Variants in RABGAP1L observed in about 807,000 individuals in gnomAD.
RABGAP1L encodes RAB GTPase activating protein 1 like.
Under a neutral mutation model 137.7 loss-of-function variants are expected in RABGAP1L, and 63 were observed. The ratio of observed to expected loss-of-function variants is 0.46; its 90% CI spans 0.37 to 0.56. RABGAP1L has a LOEUF of 0.56. Ranked by LOEUF, RABGAP1L falls within the 20% of genes least tolerant of loss-of-function variation. The probability of loss-of-function intolerance (pLI) is 0.00; values close to 1 mark genes in which losing one functional copy is unlikely to be tolerated. For synonymous variants in RABGAP1L, 431 were observed against 433.7 expected (o/e 0.99, Z 0.08); for missense variants, 1,095 against 1,244.0 (o/e 0.88, Z 1.80).
chr1:174,844,334 CT>C (rs1693820134), intron 19 of RABGAP1L, among the ~76,000 whole-genome samples: 1 of 123,236 alleles, frequency 8.1e-6, no homozygotes, highest in South Asian at 3.2e-4. Flanking sequence ...CCTAGGTTTT[CT>C]TCTAGGGTTT....
In RABGAP1L at chr1:174,368,333, C is replaced by T. The variant is rs118102946; in HGVS notation, c.1466-2646C>T. ...AGAATCCTGTTACAAATATGTCTTT[C>T]GAGTATGTGTTTCTGGAGAATAAAT... On this transcript the variant is annotated intron_variant, in intron 11 of 25. Transcript: ENST00000681986. Among the ~76,000 whole-genome samples the T allele has an allele frequency of 6.6e-4, 101 of 152,234 alleles. 3 individuals are homozygous for T. In the East Asian group the frequency reaches 0.016, roughly 24 times the overall value.
At chr1:174,732,999 G>GA (rs35633914) in intron 17 of RABGAP1L, among the ~76,000 whole-genome samples, 34 of 150,868 alleles carry the variant, frequency 2.3e-4, no homozygotes, top group South Asian at 6.3e-4. Flanking sequence ...ATTTAATTCT[G>GA]AAAAAAAAAC....
At chr1:174,292,079 C>T (rs901499743) in intron 10 of RABGAP1L, among the ~76,000 whole-genome samples, 4 of 145,220 alleles carry the variant, frequency 2.8e-5, no homozygotes, top group Admixed American at 6.8e-5. Context: ...GCTCTGTCAC[C>T]CAGGCTGGAG....
At chr1:174,730,628 A>G (rs1360756074) in intron 17 of RABGAP1L, among the ~76,000 whole-genome samples, 2 of 152,142 alleles carry the variant, frequency 1.3e-5, no homozygotes, top group Non-Finnish European at 2.9e-5. Flanking sequence ...TATGTTTAAA[A>G]CTGAATACCC....
At chr1:174,717,278 G>C (rs979717454) in intron 17 of RABGAP1L, among the ~76,000 whole-genome samples, 6 of 151,926 alleles carry the variant, frequency 3.9e-5, no homozygotes, top group Non-Finnish European at 7.4e-5. Flanking sequence ...AGGCATGCTG[G>C]GCACAACTGT....
At chr1:174,531,703 C>A (rs1664421973) in intron 13 of RABGAP1L, among the ~76,000 whole-genome samples, 1 of 134,874 alleles carries the variant, frequency 7.4e-6, no homozygotes, top group South Asian at 2.4e-4. Flanking sequence ...TCTGATTAGC[C>A]ACTGCACTAC....
At chr1:174,176,713 G>GGAA (rs1232596038) in intron 1 of RABGAP1L, among the ~76,000 whole-genome samples, 2 of 21,548 alleles carry the variant, frequency 9.3e-5, no homozygotes, top group Non-Finnish European at 8.8e-5. Flanking sequence ...CCCTTTTTCA[G>GGAA]AAAAAAAAAA....
chr1:174,204,335 A>G (rs565498685), intron 1 of RABGAP1L, among the ~76,000 whole-genome samples: 8 of 152,252 alleles, frequency 5.3e-5, no homozygotes, highest in African/African-American at 1.7e-4. Context: ...GGCTTTCTAG[A>G]TATAGAGTCG....
intron 13 of RABGAP1L, among the ~76,000 whole-genome samples, chr1:174,438,608 C>G (rs1653714947): frequency 6.6e-6 from 1 of 150,796 alleles, no homozygotes; most frequent in Admixed American, 6.6e-5. Flanking sequence ...ATCCCAGCTA[C>G]TTGGGAGGCT....
At chr1:174,777,142 A>T (rs779496249) in intron 18 of RABGAP1L, among the ~76,000 whole-genome samples, 1 of 152,246 alleles carries the variant, frequency 6.6e-6, no homozygotes, top group South Asian at 2.1e-4. Flanking sequence ...TTTTGGCAGT[A>T]AATCAATTCT....
At chr1:174,508,246 A>G (rs193040107) in intron 13 of RABGAP1L, among the ~76,000 whole-genome samples, 580 of 152,166 alleles carry the variant, frequency 3.8e-3, no homozygotes, top group Non-Finnish European at 6.0e-3. Context: ...TTATCGACTC[A>G]TTGTTATTTT....
At chr1:174,471,789 T>TGTTATG (rs1173806213) in intron 13 of RABGAP1L, among the ~76,000 whole-genome samples, 1 of 152,190 alleles carries the variant, frequency 6.6e-6, no homozygotes, top group African/African-American at 2.4e-5. Context: ...TGTTATGGAC[T>TGTTATG]GAATGCATGT....
rs536643711 is a variant in RABGAP1L, at chr1:174,404,069, G to A, written c.1710+9924G>A. The stretch of plus-strand genomic sequence containing the variant: ...GGGCTAGGCTCTCTATTGTTTCTAG[G>A]GCTATGTAGATCAAAAGACTTCACA... On this transcript the variant is annotated intron_variant, in intron 13 of 25. Transcript: ENST00000681986. 8.1e-4 allele frequency among the ~76,000 whole-genome samples: 124 copies of A among 152,166 alleles called. No individual in the cohort carries two copies. In the South Asian group the frequency reaches 0.014, roughly 17 times the overall value.
chr1:174,950,609 CTG>C (rs1317613542), intron 19 of RABGAP1L, among the ~76,000 whole-genome samples: 2 of 152,190 alleles, frequency 1.3e-5, no homozygotes, highest in African/African-American at 2.4e-5. Flanking sequence ...GCAAAAATAA[CTG>C]TGACTCTGAC....
chr1:174,749,602 C>G (rs1684180120), intron 17 of RABGAP1L, among the ~76,000 whole-genome samples: 1 of 152,092 alleles, frequency 6.6e-6, no homozygotes, highest in Non-Finnish European at 1.5e-5. Context: ...ATCTAAAAAC[C>G]TGGAATCAAC....
intron 18 of RABGAP1L, among the ~76,000 whole-genome samples, chr1:174,774,183 C>G (rs145995684): frequency 0.011 from 1,606 of 152,290 alleles, 9 homozygotes; most frequent in Non-Finnish European, 0.016. Context: ...CGCCCATAGC[C>G]TTGATCTTTT....
intron 11 of RABGAP1L, among the ~76,000 whole-genome samples, chr1:174,331,889 A>G (rs2148865743): frequency 7.6e-6 from 1 of 132,246 alleles, no homozygotes; most frequent in South Asian, 2.3e-4. Flanking sequence ...ATGTGTTCTC[A>G]TTGTTCAGTT....
At chr1:174,667,815 A>G (rs572366038) in intron 14 of RABGAP1L, among the ~76,000 whole-genome samples, 1 of 152,128 alleles carries the variant, frequency 6.6e-6, no homozygotes, top group Non-Finnish European at 1.5e-5. Context: ...GCACTATTTC[A>G]TTGTACATGT....
intron 19 of RABGAP1L, among the ~76,000 whole-genome samples, chr1:174,869,677 T>C (rs1228186583): frequency 6.6e-6 from 1 of 151,950 alleles, no homozygotes; most frequent in Non-Finnish European, 1.5e-5. Flanking sequence ...AATGTTTGTG[T>C]CCCCCCAAAA....
Sources: gnomAD v4.1 joint callset for allele counts (sites outside exome capture counted in the v4.1 genomes callset) on GRCh38, gnomAD v4.1.1 for gene constraint, MANE v1.5 for transcripts, NCBI Gene and HGNC (gene_info 2026-07-23, HGNC 2026-07-21) for gene names.